TBL1XR1: variants seen among roughly 807,000 people sequenced by gnomAD.
The protein encoded by TBL1XR1 is F-box-like/WD repeat-containing protein TBL1XR1.
Under a neutral mutation model 66.9 loss-of-function variants are expected in TBL1XR1, and 5 were observed. The observed-to-expected ratio is 0.07, with a 90% CI of 0.04 to 0.16. The LOEUF (loss-of-function observed/expected upper bound fraction) is 0.16, where lower values mean the gene tolerates loss of function less well. Among genes scored for constraint, TBL1XR1 ranks in the 10% least tolerant of loss-of-function variants. The probability of loss-of-function intolerance (pLI) is 1.00; values close to 1 mark genes in which losing one functional copy is unlikely to be tolerated. For missense variants in TBL1XR1, 238 were observed against 623.2 expected (o/e 0.38, Z 6.58); for synonymous variants, 210 against 206.0 (o/e 1.02, Z -0.17).
At chr3:177,075,851 C>T (rs1337291498) in intron 2 of TBL1XR1, among the ~76,000 whole-genome samples, 1 of 152,070 alleles carries the variant, frequency 6.6e-6, no homozygotes, top group Admixed American at 6.6e-5. Flanking sequence ...TTATAGAAGT[C>T]CAAAATCAAG....
chr3:177,113,750 G>A (rs973377201), intron 1 of TBL1XR1, among the ~76,000 whole-genome samples: 2 of 151,974 alleles, frequency 1.3e-5, no homozygotes, highest in South Asian at 2.1e-4. Context: ...AAATATCAAC[G>A]GGTTTATGAA....
intron 1 of TBL1XR1, among the ~76,000 whole-genome samples, chr3:177,119,604 C>T (rs1471367900): frequency 1.3e-5 from 2 of 152,188 alleles, no homozygotes; most frequent in Non-Finnish European, 2.9e-5. Context: ...CAAACAGTGA[C>T]CATTCACTAC....
intron 1 of TBL1XR1, among the ~76,000 whole-genome samples, chr3:177,109,722 G>T (rs1228356386): frequency 6.6e-6 from 1 of 151,978 alleles, no homozygotes; most frequent in African/African-American, 2.4e-5. Context: ...AATCATAAAT[G>T]CTATGAAAAA....
rs199780816 is a variant in TBL1XR1 at position 177,196,742 on chromosome 3, C to T, written c.-122+379G>A. 2.4e-3 allele frequency among the ~76,000 whole-genome samples: 368 copies of T among 151,410 alleles called. 2 individuals are homozygous for T. The highest frequency in any genetic ancestry group is 8.4e-3 in the African/African-American group (345 of 41,302). ...AATCCTTTCCTGAAAGCCTCCCCCCCCAAACACACACGCACAAAAAGGGGG... is the reference window on the plus strand; with the variant it reads ...AATCCTTTCCTGAAAGCCTCCCCCCTCAAACACACACGCACAAAAAGGGGG... On this transcript the variant is annotated intron_variant, in intron 1 of 15. Coordinates refer to ENST00000457928, the MANE Select transcript of TBL1XR1 (RefSeq NM_024665.7).
At chr3:177,151,013 T>C (rs1464673960) in intron 1 of TBL1XR1, among the ~76,000 whole-genome samples, 1 of 152,212 alleles carries the variant, frequency 6.6e-6, no homozygotes, top group Non-Finnish European at 1.5e-5. Flanking sequence ...GTTTCTGAGG[T>C]AGCTCAGAAA....
chr3:177,044,692 A>G (rs527537571), intron 10 of TBL1XR1, among the ~76,000 whole-genome samples: 17 of 152,330 alleles, frequency 1.1e-4, no homozygotes, highest in Non-Finnish European at 2.2e-4. Context: ...TCTTAAAAAC[A>G]AAAGTATGGT....
chr3:177,099,819 A>G (rs1417547191), intron 1 of TBL1XR1, among the ~76,000 whole-genome samples: 3 of 152,264 alleles, frequency 2.0e-5, no homozygotes, highest in African/African-American at 7.2e-5. Context: ...TTTTTGAGCT[A>G]AAGTTATATA....
At chr3:177,074,031 G>A (rs1217208554) in intron 2 of TBL1XR1, among the ~76,000 whole-genome samples, 1 of 152,202 alleles carries the variant, frequency 6.6e-6, no homozygotes, top group African/African-American at 2.4e-5. Context: ...AAAGAATGCA[G>A]GTCTTTGGTA....
chr3:177,056,725 T>C (rs1466512814), intron 3 of TBL1XR1, among the ~76,000 whole-genome samples: 1 of 151,090 alleles, frequency 6.6e-6, no homozygotes, highest in Non-Finnish European at 1.5e-5. Context: ...TCACTACACC[T>C]GAAAGTCATA....
chr3:177,097,290 ATTT>A (rs1723618657), intron 2 of TBL1XR1, among the ~76,000 whole-genome samples: 1 of 152,184 alleles, frequency 6.6e-6, no homozygotes. Flanking sequence ...AGATGTTATT[ATTT>A]GATTCTTTAA....
intron 1 of TBL1XR1, among the ~76,000 whole-genome samples, chr3:177,136,526 C>T (rs183646672): frequency 1.3e-5 from 2 of 152,172 alleles, no homozygotes; most frequent in Non-Finnish European, 1.5e-5. Context: ...GTGATCCACC[C>T]GCCTAGGCCT....
intron 10 of TBL1XR1, chr3:177,045,084 A>C (rs1294589972): frequency 6.6e-6 from 1 of 152,146 alleles, no homozygotes; most frequent in Non-Finnish European, 1.5e-5. Flanking sequence ...ACTACAGAAA[A>C]ATCATTTTGC....
chr3:177,025,675 G>A (rs138799778), intron 15 of TBL1XR1, among the ~76,000 whole-genome samples, 151 bp from the exon 16 acceptor site: 99 of 152,292 alleles, frequency 6.5e-4, no homozygotes, highest in African/African-American at 2.3e-3. Flanking sequence ...GCACTTAACT[G>A]ACAGAAATCA....
chr3:177,089,260 A>G (rs370805086), intron 2 of TBL1XR1, among the ~76,000 whole-genome samples: 1 of 152,190 alleles, frequency 6.6e-6, no homozygotes, highest in East Asian at 1.9e-4. Context: ...CCCAGCCCAC[A>G]TTCCCTCATC....
intron 3 of TBL1XR1, among the ~76,000 whole-genome samples, chr3:177,056,363 A>G (rs1717804715): frequency 6.6e-6 from 1 of 152,210 alleles, no homozygotes; most frequent in Admixed American, 6.5e-5. Context: ...AACTGTGCCA[A>G]TTTCTGGCTG....
At chr3:177,188,931 G>T (rs1735774919) in intron 1 of TBL1XR1, among the ~76,000 whole-genome samples, 1 of 152,202 alleles carries the variant, frequency 6.6e-6, no homozygotes, top group South Asian at 2.1e-4. Context: ...ATTTTGGGCG[G>T]GTGCGGTGGC....
At chr3:177,068,544 G>A (rs1385583477) in intron 2 of TBL1XR1, among the ~76,000 whole-genome samples, 3 of 152,152 alleles carry the variant, frequency 2.0e-5, no homozygotes, top group African/African-American at 4.8e-5. Context: ...ATCCAGCTAC[G>A]ACTATTCAGT....
rs1344024414 is a variant in TBL1XR1, at chr3:177,072,957, G to C, written c.-45-7935C>G. 2.6e-5 allele frequency among the ~76,000 whole-genome samples: 4 copies of C among 152,090 alleles called. No homozygotes were observed. The East Asian group carries it at 5.8e-4, about 22-fold the overall frequency. ...CATGCACCTGTAATCTCAGCTACTT[G>C]GGGGGTTGGGGCAGGAGAATCGCTT... On this transcript the variant is annotated intron_variant, in intron 2 of 15. Transcript: ENST00000457928.
rs559590504 is a variant in TBL1XR1 at position 177,087,615 on chromosome 3, A to C, written c.-46+10851T>G. On this transcript the variant is annotated intron_variant, in intron 2 of 15. Transcript: ENST00000457928. ...AAGGACAGAAGTTGAAGAAGCAAAC[A>C]AACAGAACCTGTATGAAACTAGAAG... Among the ~76,000 whole-genome samples, 5 of 152,354 alleles carry C rather than the reference A, an allele frequency of 3.3e-5. No individual in the cohort carries two copies. The South Asian group carries it at 1.0e-3, about 32-fold the overall frequency.
Sources: gnomAD v4.1 joint callset for allele counts (sites outside exome capture counted in the v4.1 genomes callset) on GRCh38, gnomAD v4.1.1 for gene constraint, MANE v1.5 for transcripts, NCBI Gene and HGNC (gene_info 2026-07-23, HGNC 2026-07-21) for gene names.